The following CACNA1C variants were observed in gnomAD, a reference collection of about 807,000 sequenced individuals.
CACNA1C encodes the protein voltage-dependent L-type calcium channel subunit alpha-1C.
A neutral mutation model predicts 229.0 loss-of-function variants in CACNA1C; 30 were observed. That is an observed-to-expected ratio of 0.13 (90% CI 0.10 to 0.18). The LOEUF (loss-of-function observed/expected upper bound fraction) is 0.18. CACNA1C is among the 10% of genes least tolerant of loss of function. The pLI, the probability that CACNA1C is intolerant of heterozygous loss-of-function variation, is 1.00. For missense variants in CACNA1C, 1,658 were observed against 2,845.0 expected, an observed-to-expected ratio of 0.58 and a Z score of 9.49; for synonymous variants, 1,114 against 1,132.5, an observed-to-expected ratio of 0.98 and a Z score of 0.33.
intron 3 of CACNA1C, among the ~76,000 whole-genome samples, chr12:2,169,919 C>T (rs1026932527): frequency 7.2e-5 from 11 of 152,304 alleles, no homozygotes; most frequent in Admixed American, 2.0e-4. Context: ...GGTGCTCCAT[C>T]TGGGGACTGT....
chr12:2,449,215 G>T (rs1463804288), intron 4 of CACNA1C, 100 bp downstream of exon 4: 7 of 850,800 alleles, frequency 8.2e-6, no homozygotes, highest in South Asian at 5.3e-5. Context: ...CGGCCACAAA[G>T]ATTTAGGCTC....
intron 1 of CACNA1C, among the ~76,000 whole-genome samples, chr12:2,037,102 C>T (rs1248275631): frequency 1.3e-5 from 2 of 152,156 alleles, no homozygotes; most frequent in Non-Finnish European, 2.9e-5. Flanking sequence ...AGTTTTTAGG[C>T]AGGATTCATT....
chr12:2,612,232 G>A, intron 29 of CACNA1C: 1 of 520,096 alleles, frequency 1.9e-6, no homozygotes, highest in Non-Finnish European at 3.4e-6. Context: ...GTTGACCCTG[G>A]CTGGCATGCA....
At chr12:2,667,285 C>CCATGGGCACTCTGT (rs1569148808) in intron 37 of CACNA1C, among the ~76,000 whole-genome samples, 1 of 127,432 alleles carries the variant, frequency 7.8e-6, no homozygotes, top group African/African-American at 3.7e-5. Flanking sequence ...GGCCACTCCA[C>CCATGGGCACTCTGT]GCTCCTTTTC....
Position 2,004,355 on chromosome 12 carries a change from G to A in CACNA1C, c.139+33154G>A, listed in dbSNP as rs748848631. The A allele has an allele frequency of 2.2e-5, 36 of 1,613,308 alleles. No individual in the cohort carries two copies. Among genetic ancestry groups the A allele is most frequent in the Non-Finnish European group, 3.0e-5 (35 of 1,179,946 alleles). The stretch of plus-strand genomic sequence containing the variant: ...CACGTCCACGATGCGGTTGATATAG[G>A]GGTCGTGGCGCTGCAGGGCCGCTAG... On this transcript the variant is annotated intron_variant, in intron 1 of 46. Transcript: ENST00000682462.
intron 1 of CACNA1C, among the ~76,000 whole-genome samples, chr12:2,092,000 G>C (rs1398675578): frequency 6.6e-6 from 1 of 152,100 alleles, no homozygotes; most frequent in Non-Finnish European, 1.5e-5. Context: ...GGTCCCTCTC[G>C]CTCTGCCATA....
chr12:2,644,254 C>A (rs1319764207), intron 30 of CACNA1C, among the ~76,000 whole-genome samples: 1 of 152,168 alleles, frequency 6.6e-6, no homozygotes, highest in African/African-American at 2.4e-5. Flanking sequence ...CTAAGACCAG[C>A]CTTCCCTGGA....
intron 3 of CACNA1C, among the ~76,000 whole-genome samples, chr12:2,331,034 C>T (rs1021593533): frequency 3.9e-5 from 6 of 152,028 alleles, no homozygotes; most frequent in Non-Finnish European, 7.4e-5. Context: ...AAGTACTTAC[C>T]ACGAATGTAG....
chr12:2,457,545 T>A, intron 4 of CACNA1C, 22 bp from the exon 5 acceptor site: 2 of 1,604,188 alleles, frequency 1.2e-6, no homozygotes, highest in East Asian at 2.2e-5. Flanking sequence ...CTGACAGTCC[T>A]TCTCTCTTTC....
At chr12:2,151,106 C>T (rs182994279) in intron 3 of CACNA1C, among the ~76,000 whole-genome samples, 31 of 152,300 alleles carry the variant, frequency 2.0e-4, no homozygotes, top group Non-Finnish European at 2.6e-4. Flanking sequence ...TCATAACAGA[C>T]TCTACAAGTG....
chr12:2,651,656 C>A lies in CACNA1C; in HGVS notation c.3962C>A (p.Ser1321Tyr), dbSNP rs779278894. Reference protein sequence around the residue: ...CSPSMNAEENSRISITFFRLF... With the variant: ...CSPSMNAEENYRISITFFRLF... ...GGGTTCCAGAACGCAGAGGAAAACT[C>A]CCGCATCTCCATCACCTTCTTCCGC... The change falls in exon 32 of 47, where the codon TCC becomes TAC. Residue 1321 changes from serine to tyrosine, a missense_variant. Around this residue, in one of 20 missense-constraint regions of CACNA1C, gnomAD observed 38 missense variants for 53.3 expected, o/e 0.71. Transcript: ENST00000399655. The surrounding 1 kb of genome is among the most constrained non-coding windows in gnomAD (Gnocchi z 5.4). 4 of 1,613,912 alleles carry A rather than the reference C, an allele frequency of 2.5e-6. No individual in the cohort carries two copies. Among genetic ancestry groups the A allele is most frequent in the East Asian group, 2.2e-5 (1 of 44,870 alleles).
rs1565869841 is a variant in CACNA1C at position 1,996,640 on chromosome 12, AAAAAAAAAAAAAAAAC to A, written c.139+25442_139+25457del. On this transcript the variant is annotated intron_variant, in intron 1 of 46. Coordinates refer to the CACNA1C transcript ENST00000682462. The stretch of plus-strand genomic sequence containing the variant: ...CTAAAAAAAAAAAAAAAAAAAAAAA[AAAAAAAAAAAAAAAAC>A]AACAAACTCTTCTAATGTTTTAAAG... 9.3e-5 allele frequency among the ~76,000 whole-genome samples: 11 copies of A among 117,798 alleles called. 1 individual carries two copies. Among genetic ancestry groups the A allele is most frequent in the Non-Finnish European group, 1.1e-4 (6 of 56,122 alleles). The allele number at this position is 117,798 out of a possible 152,430, so 77.3% of individuals were successfully genotyped here.
chr12:2,293,990 C>A (rs1273362461), intron 3 of CACNA1C, among the ~76,000 whole-genome samples: 8 of 152,140 alleles, frequency 5.3e-5, no homozygotes, highest in Admixed American at 6.5e-5. Context: ...TTAATTGAAT[C>A]ATTTATTAAC....
chr12:2,526,142 T>C (rs1450391798), intron 9 of CACNA1C, among the ~76,000 whole-genome samples: 2 of 152,200 alleles, frequency 1.3e-5, no homozygotes, highest in Non-Finnish European at 2.9e-5. Flanking sequence ...CTGGATTCCT[T>C]ATTTAGCCAT....
chr12:2,194,133 C>T (rs548682267), intron 3 of CACNA1C, among the ~76,000 whole-genome samples: 15 of 151,814 alleles, frequency 9.9e-5, no homozygotes, highest in African/African-American at 3.4e-4. Context: ...TCCTCTGGCT[C>T]CTCCCACTCT....
Position 2,601,578 on chromosome 12 carries a change from G to C in CACNA1C, c.2854-276G>C, listed in dbSNP as rs2072301086. Among the ~76,000 whole-genome samples the C allele has an allele frequency of 6.6e-6, 1 of 152,182 alleles. No homozygotes were observed. The highest frequency in any genetic ancestry group is 2.4e-5 in the African/African-American group (1 of 41,448). ...TAGAGTGGGATGGTGGGGCCCACTT[G>C]AAAGGGCTTTGAATGGAGGACTAAA... On this transcript the variant is annotated intron_variant, in intron 21 of 46. Transcript: ENST00000399655. This position sits in a 1 kb window ranked among gnomAD's most constrained non-coding sequence, Gnocchi z 5.9.
In CACNA1C at chr12:2,410,102, A is replaced by G. The variant is rs1041525944; in HGVS notation, c.478-38874A>G. ...CAAGCTGGCAGCTTCGTCCTCTCAG[A>G]CTGTGGGTTGCTTTTAGCTGTCAGC... On this transcript the variant is annotated intron_variant, in intron 3 of 46. Coordinates refer to ENST00000399655, the MANE Select transcript of CACNA1C (RefSeq NM_000719.7). This position sits in a 1 kb window ranked among gnomAD's most constrained non-coding sequence, Gnocchi z 5.3. 6.6e-6 allele frequency among the ~76,000 whole-genome samples: 1 copy of G among 152,164 alleles called. No homozygotes were observed. Among genetic ancestry groups the G allele is most frequent in the Non-Finnish European group, 1.5e-5 (1 of 68,012 alleles).
chr12:2,096,866 C>T (rs919711843), intron 1 of CACNA1C, among the ~76,000 whole-genome samples: 3 of 152,236 alleles, frequency 2.0e-5, no homozygotes, highest in African/African-American at 7.2e-5. Context: ...TCACTCAGCA[C>T]CATGTCCTCA....
chr12:2,672,070 C>G (rs546152446), intron 38 of CACNA1C: 36 of 152,332 alleles, frequency 2.4e-4, no homozygotes, highest in African/African-American at 7.9e-4. Context: ...AGGCTTGCAT[C>G]AGTCCTCACC....
Sources: allele counts gnomAD v4.1 joint callset (sites outside exome capture counted in the v4.1 genomes callset), GRCh38; gene constraint gnomAD v4.1.1; regional missense constraint gnomAD v4.1.1; non-coding constraint Gnocchi (gnomAD v3.1); transcripts MANE v1.5; gene names NCBI Gene and HGNC (gene_info 2026-07-23, HGNC 2026-07-21).